The following OTOGL variants were observed in gnomAD, a reference collection of about 807,000 sequenced individuals.
OTOGL encodes the protein otogelin-like protein.
In OTOGL, 285 loss-of-function variants were observed where a neutral mutation model predicts 318.5. The ratio of observed to expected loss-of-function variants is 0.89; its 90% CI spans 0.81 to 0.99. The LOEUF (loss-of-function observed/expected upper bound fraction) is 0.99, where lower values mean the gene tolerates loss of function less well. OTOGL is among the 50% of genes least tolerant of loss of function. The probability of loss-of-function intolerance (pLI) is 0.00; values close to 1 mark genes in which losing one functional copy is unlikely to be tolerated. For synonymous variants in OTOGL, 987 were observed against 936.5 expected (o/e 1.05, Z -0.99); for missense variants, 2,899 against 2,845.6 (o/e 1.02, Z -0.43).
chr12:80,360,409 CCCG>C (rs1890166804), intron 52 of OTOGL, among the ~76,000 whole-genome samples: 1 of 95,310 alleles, frequency 1.0e-5, no homozygotes, highest in Non-Finnish European at 2.1e-5. Flanking sequence ...CCTGTCTCTC[CCCG>C]CTCCCCTTTT....
intron 24 of OTOGL, 68 bp from the exon 25 acceptor site, chr12:80,278,100 G>T (rs762460678): frequency 9.8e-6 from 12 of 1,221,588 alleles, no homozygotes; most frequent in Non-Finnish European, 1.4e-5. Flanking sequence ...AATATGCTAA[G>T]ATTACTGATA....
intron 26 of OTOGL, among the ~76,000 whole-genome samples, chr12:80,287,009 G>A (rs1884683515): frequency 6.8e-6 from 1 of 148,108 alleles, no homozygotes; most frequent in Non-Finnish European, 1.5e-5. Context: ...CCCGCCTTCT[G>A]ATGTGGGCAT....
At position 80,343,521 on chromosome 12, in the gene OTOGL, T is replaced by C. The variant is rs1348787260; in HGVS notation, c.5265+1359T>C. On this transcript the variant is annotated intron_variant, in intron 44 of 58. Coordinates refer to ENST00000547103, the MANE Select transcript of OTOGL (RefSeq NM_001378609.3). ...ATTTTTTATTCTTGTTTTTTTTTTTTTTTTTTTTTTTTTTTAACTTTCTTT... is the reference window on the plus strand; with the variant it reads ...ATTTTTTATTCTTGTTTTTTTTTTTCTTTTTTTTTTTTTTTAACTTTCTTT... The C allele has an allele frequency of 5.3e-5, 7 of 131,118 alleles. No individual in the cohort carries two copies. The Admixed American group carries it at 5.4e-4, about 10-fold the overall frequency. 8.1% of individuals were successfully genotyped at this position (131,118 alleles called of 1,614,324 possible).
At chr12:80,266,721 T>A in intron 21 of OTOGL, 105 bp downstream of exon 21, 1 of 1,137,166 alleles carries the variant, frequency 8.8e-7, no homozygotes, top group Non-Finnish European at 1.2e-6. Flanking sequence ...TTTCTTATTG[T>A]CTTTACTTTT....
intron 44 of OTOGL, among the ~76,000 whole-genome samples, chr12:80,346,989 A>C (rs1190716363): frequency 6.6e-6 from 1 of 152,206 alleles, no homozygotes; most frequent in Non-Finnish European, 1.5e-5. Flanking sequence ...TTCCACTTCC[A>C]AAATATATTC....
chr12:80,285,983 A>C (rs112717435), intron 26 of OTOGL, among the ~76,000 whole-genome samples: 10,140 of 152,250 alleles, frequency 0.067, 423 homozygotes, highest in Non-Finnish European at 0.085. Context: ...GTTTTTGCCC[A>C]TTCAGTATGA....
chr12:80,234,840 T>C lies in OTOGL; in HGVS notation c.817+1743T>C, dbSNP rs181400775. On this transcript the variant is annotated intron_variant, in intron 9 of 58. Coordinates refer to ENST00000547103, the MANE Select transcript of OTOGL (RefSeq NM_001378609.3). The stretch of plus-strand genomic sequence containing the variant: ...GCTCCAAAAAGTCAATTTCCTCATA[T>C]GTAAAATAGAGATAATGATAATGAC... Among the ~76,000 whole-genome samples the C allele has an allele frequency of 2.0e-5, 3 of 152,292 alleles. No individual in the cohort carries two copies. The East Asian group carries it at 5.8e-4, about 29-fold the overall frequency.
Position 80,370,675 on chromosome 12 carries a change from A to C in OTOGL, c.6721A>C (p.Thr2241Pro). The C allele has an allele frequency of 6.3e-7, 1 of 1,579,906 alleles. No individual in the cohort carries two copies. Among genetic ancestry groups the C allele is most frequent in the Non-Finnish European group, 8.6e-7 (1 of 1,159,470 alleles). ...AATGGTCTGTCCCCCTTTTAATGAG[A>C]CTGAATGCAAAATGGTTTGTACTTT... ...YTMVCPPFNE[T>P]ECKMNEGIVK... Residue 2241 changes from threonine to proline, a missense_variant, in exon 56 of 59, where the codon ACT becomes CCT. Physicochemically the swap from Thr to Pro is conservative, Grantham distance 38. Coordinates refer to ENST00000547103, the MANE Select transcript of OTOGL (RefSeq NM_001378609.3).
intron 1 of OTOGL, among the ~76,000 whole-genome samples, chr12:80,149,341 G>T (rs1225067394): frequency 2.0e-5 from 3 of 152,134 alleles, no homozygotes; most frequent in East Asian, 3.9e-4. Context: ...CCCCTGCTGG[G>T]GGGTGCCTCC....
At chr12:80,360,813 C>CAAT (rs1890197460) in intron 52 of OTOGL, among the ~76,000 whole-genome samples, 1 of 151,922 alleles carries the variant, frequency 6.6e-6, no homozygotes, top group Non-Finnish European at 1.5e-5. Context: ...CAAACTAGAA[C>CAAT]CAGTATACAA....
intron 18 of OTOGL, among the ~76,000 whole-genome samples, chr12:80,261,397 GA>G (rs1882512999): frequency 6.6e-6 from 1 of 152,112 alleles, no homozygotes; most frequent in African/African-American, 2.4e-5. Context: ...TTTTAAGATA[GA>G]TGTTTTTCAT....
At chr12:80,313,673 T>C (rs762979134) in intron 31 of OTOGL, 41 bp downstream of exon 31, 2 of 1,484,722 alleles carry the variant, frequency 1.3e-6, no homozygotes, top group Middle Eastern at 1.8e-4. Flanking sequence ...AGAGAACTGA[T>C]AAAGAGATAC....
At chr12:80,276,360 A>G (rs1883806716) in intron 24 of OTOGL, among the ~76,000 whole-genome samples, 1 of 151,782 alleles carries the variant, frequency 6.6e-6, no homozygotes, top group South Asian at 2.1e-4. Context: ...CATAGTTAAA[A>G]TGGTTAGAAT....
intron 1 of OTOGL, among the ~76,000 whole-genome samples, chr12:80,159,180 A>T (rs1417689568): frequency 6.6e-6 from 1 of 151,768 alleles, no homozygotes; most frequent in Non-Finnish European, 1.5e-5. Context: ...CTAGTATGAA[A>T]CTCACTTGAT....
chr12:80,307,937 C>T (rs1247228438), intron 29 of OTOGL, among the ~76,000 whole-genome samples: 2 of 140,470 alleles, frequency 1.4e-5, no homozygotes, highest in Non-Finnish European at 1.5e-5. Flanking sequence ...CCCCACCTCC[C>T]TCCCGGACGG....
chr12:80,273,379 A>G (rs1454125137), intron 24 of OTOGL, among the ~76,000 whole-genome samples: 2 of 152,044 alleles, frequency 1.3e-5, no homozygotes, highest in African/African-American at 4.8e-5. Flanking sequence ...TATTGACTGT[A>G]AAAGGACCAC....
chr12:80,342,210 A>T, intron 44 of OTOGL, 48 bp downstream of exon 44: 1 of 1,412,184 alleles, frequency 7.1e-7, no homozygotes, highest in South Asian at 1.3e-5. Context: ...AGATATGTTG[A>T]GAGTAAAAGC....
intron 24 of OTOGL, among the ~76,000 whole-genome samples, chr12:80,275,965 GCTTTAT>G (rs796308323): frequency 3.3e-4 from 50 of 151,340 alleles, no homozygotes; most frequent in Non-Finnish European, 6.1e-4. Context: ...CAAAAAATCT[GCTTTAT>G]TGACTTGCTT....
intron 7 of OTOGL, among the ~76,000 whole-genome samples, chr12:80,226,799 C>A (rs1878898148): frequency 6.6e-6 from 1 of 152,078 alleles, no homozygotes; most frequent in Non-Finnish European, 1.5e-5. Flanking sequence ...TTTGTTTAGT[C>A]ACTTATTTTA....
Sources: allele counts gnomAD v4.1 joint callset (sites outside exome capture counted in the v4.1 genomes callset), GRCh38; gene constraint gnomAD v4.1.1; transcripts MANE v1.5; gene names NCBI Gene and HGNC (gene_info 2026-07-23, HGNC 2026-07-21).